Variants in DMD observed in about 807,000 individuals in gnomAD.
DMD encodes the protein mutant dystrophin.
DMD carries 63 observed loss-of-function variants against 330.1 expected under a neutral mutation model. The ratio of observed to expected loss-of-function variants is 0.19; its 90% confidence interval spans 0.16 to 0.24. The LOEUF is 0.24. Ranked by LOEUF, DMD falls within the 10% of genes least tolerant of loss-of-function variation. DMD has a pLI of 1.00. For synonymous variants in DMD, 1,223 were observed against 959.8 expected (o/e 1.27, Z -5.07); for missense variants, 3,344 against 2,684.1 (o/e 1.25, Z -5.43).
chrX:31,783,309 A>C (rs1366264031), intron 50 of DMD, among the ~76,000 whole-genome samples: 2 of 112,041 alleles, frequency 1.8e-5, no homozygotes, highest in African/African-American at 6.5e-5. Flanking sequence ...TGCAGTGAAA[A>C]CTAAGCAAAA....
At chrX:33,317,947 T>C (rs1224338235) in intron 1 of DMD, among the ~76,000 whole-genome samples, 3 of 111,775 alleles carry the variant, frequency 2.7e-5, no homozygotes, top group East Asian at 2.8e-4. Context: ...CATTTTCCCT[T>C]GTCTGATTTC....
At chrX:33,239,734 C>T (rs2052555855) in intron 1 of DMD, among the ~76,000 whole-genome samples, 1 of 111,690 alleles carries the variant, frequency 9.0e-6, no homozygotes, top group African/African-American at 3.2e-5. Flanking sequence ...TGCATTCCCT[C>T]ACATGTTATC....
chrX:31,781,432 T>G (rs1335851906), intron 50 of DMD, among the ~76,000 whole-genome samples: 1 of 112,255 alleles, frequency 8.9e-6, no homozygotes, highest in Non-Finnish European at 1.9e-5. Flanking sequence ...CTAATATCCA[T>G]TTTAATTTGG....
At chrX:32,250,146 G>C (rs192200479) in intron 43 of DMD, among the ~76,000 whole-genome samples, 1 of 110,555 alleles carries the variant, frequency 9.0e-6, no homozygotes, top group Non-Finnish European at 1.9e-5. Flanking sequence ...TCTCAATGGA[G>C]GATTTTTAGG....
At chrX:31,182,591 T>C in intron 68 of DMD, 147 bp downstream of exon 68, 1 of 555,663 alleles carries the variant, frequency 1.8e-6, no homozygotes, top group Non-Finnish European at 3.1e-6. Flanking sequence ...GTGACAGGAA[T>C]GATCGATGTT....
At chrX:32,861,433 G>T (rs1034443891) in intron 2 of DMD, among the ~76,000 whole-genome samples, 5 of 111,828 alleles carry the variant, frequency 4.5e-5, no homozygotes, top group African/African-American at 6.5e-5. Flanking sequence ...TTATCACCTG[G>T]AGGTGGAGAA....
At chrX:32,571,549 T>TAC (rs1413340478) in intron 15 of DMD, among the ~76,000 whole-genome samples, 1 of 112,026 alleles carries the variant, frequency 8.9e-6, no homozygotes, top group Non-Finnish European at 1.9e-5. Context: ...TGTGTCACTC[T>TAC]ACACAATCCC....
At chrX:32,810,821 G>A (rs1283245651) in intron 6 of DMD, among the ~76,000 whole-genome samples, 2 of 111,422 alleles carry the variant, frequency 1.8e-5, no homozygotes, top group African/African-American at 6.5e-5. Context: ...TATTTCATGT[G>A]ATCTACGAAG....
chrX:32,127,063 T>C (rs2035604781), intron 44 of DMD, among the ~76,000 whole-genome samples: 1 of 111,409 alleles, frequency 9.0e-6, no homozygotes, highest in South Asian at 3.8e-4. Flanking sequence ...CAGTGAGAAA[T>C]ACAGAACTCT....
At chrX:32,555,493 G>A (rs757038699) in intron 16 of DMD, among the ~76,000 whole-genome samples, 4 of 111,480 alleles carry the variant, frequency 3.6e-5, no homozygotes, top group Non-Finnish European at 7.5e-5. Context: ...AAGAGAGGAA[G>A]TCAAATTATT....
At chrX:31,201,305 C>T (rs780479264) in intron 67 of DMD, among the ~76,000 whole-genome samples, 1 of 112,168 alleles carries the variant, frequency 8.9e-6, no homozygotes, top group Admixed American at 9.4e-5. Context: ...GCCCAGAGGT[C>T]GAGGCTGCAA....
chrX:33,338,330 C>T (rs2054285108), intron 1 of DMD, among the ~76,000 whole-genome samples: 1 of 110,367 alleles, frequency 9.1e-6, no homozygotes, highest in South Asian at 3.8e-4. Flanking sequence ...TGCTCATGCT[C>T]CATTTGCTTA....
chrX:31,397,871 G>A (rs905487041), intron 60 of DMD, among the ~76,000 whole-genome samples: 10 of 112,293 alleles, frequency 8.9e-5, no homozygotes, highest in Non-Finnish European at 1.7e-4. Context: ...GTGAATCTGG[G>A]ATTTGTTTTA....
intron 1 of DMD, among the ~76,000 whole-genome samples, chrX:33,248,518 C>T (rs1490861121): frequency 9.0e-6 from 1 of 111,254 alleles, no homozygotes; most frequent in Non-Finnish European, 1.9e-5. Flanking sequence ...TTTTTATTCT[C>T]ACATTTTATT....
At chrX:33,298,787 G>C (rs893495911) in intron 1 of DMD, among the ~76,000 whole-genome samples, 3 of 111,638 alleles carry the variant, frequency 2.7e-5, no homozygotes, top group Non-Finnish European at 5.7e-5. Context: ...AGGTCTGAGA[G>C]AAAACAGAAC....
At chrX:31,319,982 G>T (rs1402691981) in intron 62 of DMD, among the ~76,000 whole-genome samples, 1 of 112,205 alleles carries the variant, frequency 8.9e-6, no homozygotes, top group Admixed American at 9.5e-5. Flanking sequence ...CTACAAAATG[G>T]CAGAGAGTAG....
At chrX:32,665,846 G>A (rs932140716) in intron 9 of DMD, among the ~76,000 whole-genome samples, 4 of 111,580 alleles carry the variant, frequency 3.6e-5, no homozygotes, top group Non-Finnish European at 1.9e-5. Context: ...ATCTTTTGGG[G>A]GAATTGACAG....
At chrX:32,505,170 T>A (rs2044492608) in intron 18 of DMD, among the ~76,000 whole-genome samples, 1 of 111,303 alleles carries the variant, frequency 9.0e-6, no homozygotes, top group Admixed American at 9.6e-5. Flanking sequence ...ATTAATAAGT[T>A]GAATAGTACT....
chrX:32,087,597 A>G (rs2084383505), intron 44 of DMD, among the ~76,000 whole-genome samples: 1 of 112,032 alleles, frequency 8.9e-6, no homozygotes, highest in South Asian at 3.7e-4. Flanking sequence ...AGTCCGAGTC[A>G]ATCAGACCTG....
Sources: gnomAD v4.1 joint callset for allele counts (sites outside exome capture counted in the v4.1 genomes callset) on GRCh38, gnomAD v4.1.1 for gene constraint, MANE v1.5 for transcripts, NCBI Gene and HGNC (gene_info 2026-07-23, HGNC 2026-07-21) for gene names.